Variants in VCAM1 observed in about 807,000 individuals in gnomAD.
VCAM1 encodes vascular cell adhesion molecule 1.
Under a neutral mutation model 63.8 loss-of-function variants are expected in VCAM1, and 41 were observed. The observed-to-expected ratio is 0.64, with a 90% CI of 0.50 to 0.83. The LOEUF (loss-of-function observed/expected upper bound fraction) is 0.83. Ranked by LOEUF, VCAM1 falls within the 40% of genes least tolerant of loss-of-function variation. VCAM1 has a pLI of 0.00. For synonymous variants in VCAM1, 338 were observed against 320.7 expected (o/e 1.05, Z -0.58); for missense variants, 798 against 875.5 (o/e 0.91, Z 1.12).
At chr1:100,722,326 A>G (rs1052953211) in intron 2 of VCAM1, among the ~76,000 whole-genome samples, 8 of 152,032 alleles carry the variant, frequency 5.3e-5, no homozygotes, top group African/African-American at 1.2e-4. Flanking sequence ...AGATTGCACA[A>G]ATGTATCTTT....
chr1:100,730,732 T>G (rs1660423553), intron 5 of VCAM1, among the ~76,000 whole-genome samples: 1 of 152,126 alleles, frequency 6.6e-6, no homozygotes, highest in African/African-American at 2.4e-5. Flanking sequence ...CCTCTATATG[T>G]TTCAGTATTC....
chr1:100,732,157 T>C (rs1363456792), intron 6 of VCAM1, among the ~76,000 whole-genome samples: 2 of 152,206 alleles, frequency 1.3e-5, no homozygotes, highest in African/African-American at 4.8e-5. Flanking sequence ...CACACTATCA[T>C]TGACCCTCGT....
At chr1:100,720,019 A>G in intron 1 of VCAM1, 95 bp downstream of exon 1, 1 of 1,335,048 alleles carries the variant, frequency 7.5e-7, no homozygotes, top group South Asian at 1.3e-5. Context: ...TGAAGTAAAG[A>G]CACTAGGATT....
At position 100,724,658 on chromosome 1, in the gene VCAM1, A is replaced by C; in HGVS notation, c.696A>C (p.Pro232=). 1.9e-6 allele frequency: 3 copies of C among 1,613,016 alleles called. 1 individual carries two copies. The South Asian group carries it at 3.3e-5, about 18-fold the overall frequency. ...AGAATACAGTTATTTCTGTGAATCC[A>C]TCCACAAAGCTGCAAGAAGGTGGCT... ...SPKNTVISVN[P]STKLQEGGSV... is the part of the protein sequence containing the mutation. The change falls in exon 4 of 9, where the codon CCA becomes CCC. Residue 232 remains proline (P), a synonymous_variant. Coordinates refer to ENST00000294728, the MANE Select transcript of VCAM1 (RefSeq NM_001078.4).
intron 1 of VCAM1, 70 bp from the exon 2 acceptor site, chr1:100,720,406 C>G: frequency 6.6e-7 from 1 of 1,526,404 alleles, no homozygotes; most frequent in South Asian, 1.3e-5. Context: ...AGACATTATA[C>G]AGAGAAGAAG....
In VCAM1 at chr1:100,738,452, T is replaced by A. The variant is rs1216920792; in HGVS notation, c.*169T>A. On this transcript the variant is annotated 3_prime_UTR_variant, in exon 9 of 9. Coordinates refer to ENST00000294728, the MANE Select transcript of VCAM1 (RefSeq NM_001078.4). ...CCTTGCTGTGAGCAAGAAGTCAAAGTAAAACTTGCTGCCTGAAGAACAGTA... is the reference window on the plus strand; with the variant it reads ...CCTTGCTGTGAGCAAGAAGTCAAAGAAAAACTTGCTGCCTGAAGAACAGTA... 7.7e-6 allele frequency: 5 copies of A among 649,690 alleles called. No homozygotes were observed. The highest frequency in any genetic ancestry group is 4.4e-4 in the Middle Eastern group (1 of 2,288). The allele number at this position is 649,690 out of a possible 1,614,324, so 40.2% of individuals were successfully genotyped here. A position where few individuals can be genotyped will look rare whatever the true frequency, so the allele number is the denominator to read the frequency against.
chr1:100,724,301 A>G lies in VCAM1; in HGVS notation c.662-323A>G, dbSNP rs567402411. Among the ~76,000 whole-genome samples, 18 of 152,134 alleles carry G rather than the reference A, an allele frequency of 1.2e-4. No homozygotes were observed. In the East Asian group the frequency reaches 3.3e-3, roughly 28 times the overall value. Reference sequence around the variant, plus strand: ...AAGCAGTGGGTTGATTCTCTCAGTAAATGTTGAAGCTGACTTGAATGGGCA... The same window carrying G: ...AAGCAGTGGGTTGATTCTCTCAGTAGATGTTGAAGCTGACTTGAATGGGCA... On this transcript the variant is annotated intron_variant, in intron 3 of 8. Transcript: ENST00000294728.
rs3917020 is a variant in VCAM1, at chr1:100,738,108, T to G, written c.2060-15T>G. The stretch of plus-strand genomic sequence containing the variant: ...TGTACTAGACATTAATTGCATCCAT[T>G]TTGTTATTTTCCAGGAAGAGAAAAC... On this transcript the variant is annotated splice_polypyrimidine_tract_variant and intron_variant, in intron 8 of 8. Transcript: ENST00000294728. 26,706 of 1,610,960 alleles carry G rather than the reference T, an allele frequency of 0.017. 271 individuals carry two copies. The highest frequency in any genetic ancestry group is 0.02 in the Non-Finnish European group (23,447 of 1,178,736).
At chr1:100,736,304 C>G (rs1660646737) in intron 8 of VCAM1, 2 of 152,122 alleles carry the variant, frequency 1.3e-5, no homozygotes, top group African/African-American at 4.8e-5. Flanking sequence ...ATAGTTTAAA[C>G]TAGCTAAATT....
intron 4 of VCAM1, 99 bp downstream of exon 4, chr1:100,724,989 A>G (rs1209118298): frequency 7.0e-7 from 1 of 1,438,384 alleles, no homozygotes; most frequent in Non-Finnish European, 9.4e-7. Context: ...CCTTAGTTTC[A>G]CTGATGACCT....
intron 4 of VCAM1, among the ~76,000 whole-genome samples, chr1:100,728,442 C>G (rs542256110): frequency 2.6e-5 from 4 of 152,086 alleles, no homozygotes; most frequent in African/African-American, 7.2e-5. Flanking sequence ...TTTCCAGTAC[C>G]TCTTTTAGAC....
chr1:100,719,793 G>A lies in VCAM1; in HGVS notation c.-68G>A. The A allele has an allele frequency of 1.3e-6, 2 of 1,540,154 alleles. No homozygotes were observed. The highest frequency in any genetic ancestry group is 1.7e-5 in the Admixed American group (1 of 57,592). On this transcript the variant is annotated 5_prime_UTR_variant, in exon 1 of 9. Coordinates refer to ENST00000294728, the MANE Select transcript of VCAM1 (RefSeq NM_001078.4). ...CTTCAGGAGCTGAATACCCTCCCAG[G>A]CACACACAGGTGGGACACAAATAAG...
At chr1:100,730,101 G>A (rs1388014607) in intron 5 of VCAM1, among the ~76,000 whole-genome samples, 1 of 151,726 alleles carries the variant, frequency 6.6e-6, no homozygotes, top group South Asian at 2.1e-4. Flanking sequence ...TTTTTTGAGG[G>A]GGTCACTCTG....
At chr1:100,736,884 A>T (rs1660671093) in intron 8 of VCAM1, 1 of 152,178 alleles carries the variant, frequency 6.6e-6, no homozygotes, top group African/African-American at 2.4e-5. Context: ...GAATGTAGTA[A>T]TCACCAAAGT....
At chr1:100,720,052 T>G in intron 1 of VCAM1, 128 bp downstream of exon 1, 1 of 972,198 alleles carries the variant, frequency 1.0e-6, no homozygotes, top group Non-Finnish European at 1.5e-6. Context: ...AAAAGTTAAT[T>G]TAGTCTAACT....
At chr1:100,726,979 T>C (rs1245761798) in intron 4 of VCAM1, among the ~76,000 whole-genome samples, 1 of 151,908 alleles carries the variant, frequency 6.6e-6, no homozygotes, top group Non-Finnish European at 1.5e-5. Context: ...CTCGGCAATA[T>C]AGTGAGACCT....
At chr1:100,733,969 C>G (rs543584601) in intron 7 of VCAM1, among the ~76,000 whole-genome samples, 2 of 152,188 alleles carry the variant, frequency 1.3e-5, no homozygotes, top group African/African-American at 4.8e-5. Context: ...TACAGTTCCA[C>G]ATGGCTGGGA....
At position 100,738,218 on chromosome 1, in the gene VCAM1, T is replaced by G; in HGVS notation, c.2155T>G (p.Phe719Val). The stretch of plus-strand genomic sequence containing the variant: ...ACCTGCCATTGGAATGATAATTTAC[T>G]TTGCAAGAAAAGCCAACATGAAGGG... ...IIPAIGMIIY[F>V]ARKANMKGSY... The change falls in exon 9 of 9, where the codon TTT becomes GTT. Residue 719 changes from phenylalanine (F) to valine (V), a missense_variant. By Grantham distance (50) the Phe-to-Val change is conservative. Transcript: ENST00000294728. The G allele has an allele frequency of 6.2e-7, 1 of 1,613,870 alleles. No individual in the cohort carries two copies. The highest frequency in any genetic ancestry group is 8.5e-7 in the Non-Finnish European group (1 of 1,179,792).
intron 3 of VCAM1, among the ~76,000 whole-genome samples, chr1:100,724,228 A>G (rs534041060): frequency 6.6e-6 from 1 of 152,162 alleles, no homozygotes; most frequent in South Asian, 2.1e-4. Flanking sequence ...ATAGGGAGAA[A>G]TGTGCTAATA....
Sources: gnomAD v4.1 joint callset for allele counts (sites outside exome capture counted in the v4.1 genomes callset) on GRCh38, gnomAD v4.1.1 for gene constraint, MANE v1.5 for transcripts, NCBI Gene and HGNC (gene_info 2026-07-23, HGNC 2026-07-21) for gene names.